The following UMAD1 variants were observed in gnomAD, a reference collection of about 807,000 sequenced individuals.
UMAD1 encodes UBAP1-MVB12-associated (UMA)-domain containing protein 1.
A neutral mutation model predicts 6.1 loss-of-function variants in UMAD1; 8 were observed. That is an observed-to-expected ratio of 1.30 (90% CI 0.76 to 2.35). UMAD1 has a LOEUF of 2.35. Ranked by LOEUF, UMAD1 falls within the 30% of genes most tolerant of loss-of-function variation. UMAD1 has a pLI of 0.00. For synonymous variants in UMAD1, 56 were observed against 31.4 expected (o/e 1.78, Z -2.61); for missense variants, 130 against 78.4 (o/e 1.66, Z -2.49).
chr7:7,689,601 C>G (rs1207069385), intron 2 of UMAD1: 2 of 151,998 alleles, frequency 1.3e-5, no homozygotes, highest in East Asian at 3.9e-4. Flanking sequence ...TTGGTAGAGC[C>G]CCTGTTTTTC....
At chr7:7,743,747 TA>T (rs1323171156) in intron 2 of UMAD1, among the ~76,000 whole-genome samples, 3 of 151,488 alleles carry the variant, frequency 2.0e-5, no homozygotes, top group East Asian at 1.9e-4. Flanking sequence ...TCTGCACTTT[TA>T]AAAAAATATT....
At chr7:7,732,365 G>T (rs1252450649) in intron 2 of UMAD1, among the ~76,000 whole-genome samples, 3 of 152,114 alleles carry the variant, frequency 2.0e-5, no homozygotes, top group Non-Finnish European at 4.4e-5. Context: ...TTTCTAATGA[G>T]TTGCTATTAG....
chr7:7,832,428 C>T (rs1267455556), intron 3 of UMAD1, among the ~76,000 whole-genome samples: 1 of 152,088 alleles, frequency 6.6e-6, no homozygotes, highest in Non-Finnish European at 1.5e-5. Flanking sequence ...TCCTCTCTTC[C>T]CAGATATGGC....
At chr7:7,796,210 T>C (rs1782674351) in intron 2 of UMAD1, among the ~76,000 whole-genome samples, 1 of 151,600 alleles carries the variant, frequency 6.6e-6, no homozygotes, top group Non-Finnish European at 1.5e-5. Context: ...TAAGCATTCT[T>C]CTGGCTGTAC....
At chr7:7,731,444 G>A (rs182888986) in intron 2 of UMAD1, among the ~76,000 whole-genome samples, 98 of 141,848 alleles carry the variant, frequency 6.9e-4, no homozygotes, top group Non-Finnish European at 1.3e-3. Context: ...TAGCAGTGAG[G>A]AAGAAAAAGG....
intron 2 of UMAD1, among the ~76,000 whole-genome samples, chr7:7,750,718 A>T (rs995769022): frequency 2.0e-5 from 3 of 152,234 alleles, no homozygotes; most frequent in African/African-American, 7.2e-5. Context: ...AATGAGGCAC[A>T]GAGAGGTTAA....
At chr7:7,853,006 T>A (rs1333359938) in intron 3 of UMAD1, among the ~76,000 whole-genome samples, 1 of 152,158 alleles carries the variant, frequency 6.6e-6, no homozygotes, top group Non-Finnish European at 1.5e-5. Context: ...GAGTCCTGCC[T>A]TGGGCCATGA....
At chr7:7,761,576 T>A (rs752504801) in intron 2 of UMAD1, among the ~76,000 whole-genome samples, 141 of 152,190 alleles carry the variant, frequency 9.3e-4, no homozygotes, top group Non-Finnish European at 1.6e-3. Context: ...ACGGATCACA[T>A]TTCTTATTAA....
At chr7:7,827,868 G>T (rs531244532) in intron 3 of UMAD1, among the ~76,000 whole-genome samples, 6 of 152,258 alleles carry the variant, frequency 3.9e-5, no homozygotes, top group Admixed American at 3.9e-4. Flanking sequence ...ACATGTACAT[G>T]AAGTTGGAAA....
chr7:7,851,519 A>G (rs1018549050), intron 3 of UMAD1, among the ~76,000 whole-genome samples: 1 of 152,158 alleles, frequency 6.6e-6, no homozygotes, highest in Non-Finnish European at 1.5e-5. Context: ...CACTCCCACC[A>G]GAAGTGTGGG....
chr7:7,789,624 T>A lies in UMAD1; in HGVS notation c.83-12046T>A, dbSNP rs56120863. On this transcript the variant is annotated intron_variant, in intron 2 of 3. Coordinates refer to ENST00000682710, the MANE Select transcript of UMAD1 (RefSeq NM_001302348.2). The stretch of plus-strand genomic sequence containing the variant: ...GTTAAACAAAATACCCCTTCTCCCC[T>A]CCCCACAGACCCTGGAAACCACCAT... Among the ~76,000 whole-genome samples the A allele has an allele frequency of 4.2e-3, 623 of 147,098 alleles. 20 individuals are homozygous for A. The highest frequency in any genetic ancestry group is 0.015 in the African/African-American group (576 of 38,658).
intron 3 of UMAD1, chr7:7,868,442 T>G (rs887873979): frequency 6.6e-6 from 1 of 152,148 alleles, no homozygotes; most frequent in African/African-American, 2.4e-5. Context: ...TGCACTTGTA[T>G]GTACGTTCAG....
In UMAD1 at chr7:7,877,320, C is replaced by T. The variant is rs182298930; in HGVS notation, c.196C>T (p.Pro66Ser). Reference protein sequence around the residue: ...ENSSSVTVSDPEMENKAGQTL... With the variant: ...ENSSSVTVSDSEMENKAGQTL... ...TTCATCCAGTGTGACTGTATCAGACCCTGAGATGGAAAATAAGGCAGGCCA... is the reference window on the plus strand; with the variant it reads ...TTCATCCAGTGTGACTGTATCAGACTCTGAGATGGAAAATAAGGCAGGCCA... Residue 66 changes from proline (P) to serine (S), a missense_variant, in exon 4 of 4, where the codon CCT becomes TCT. By Grantham distance (74) the Pro-to-Ser change is moderately conservative. Coordinates refer to ENST00000682710, the MANE Select transcript of UMAD1 (RefSeq NM_001302348.2). 7.5e-5 allele frequency: 54 copies of T among 717,310 alleles called. No individual in the cohort carries two copies. The highest frequency in any genetic ancestry group is 1.1e-4 in the Non-Finnish European group (42 of 385,054). The allele number at this position is 717,310 out of a possible 1,614,324, so 44.4% of individuals were successfully genotyped here.
chr7:7,747,229 A>G (rs1236318551), intron 2 of UMAD1, among the ~76,000 whole-genome samples: 1 of 152,202 alleles, frequency 6.6e-6, no homozygotes, highest in Non-Finnish European at 1.5e-5. Context: ...AAATTGTTTA[A>G]ACGAGAGAGT....
At chr7:7,804,895 T>G (rs1782878688) in intron 3 of UMAD1, among the ~76,000 whole-genome samples, 2 of 152,102 alleles carry the variant, frequency 1.3e-5, no homozygotes, top group African/African-American at 4.8e-5. Flanking sequence ...GCAGGAGAAT[T>G]GCTTGAACCT....
intron 3 of UMAD1, among the ~76,000 whole-genome samples, chr7:7,806,795 C>A (rs6969660): frequency 0.57 from 86,382 of 151,862 alleles, 24,616 homozygotes; most frequent in Middle Eastern, 0.64. Flanking sequence ...AACTGGAAAG[C>A]CTCTAATTAT....
intron 2 of UMAD1, among the ~76,000 whole-genome samples, chr7:7,791,086 C>T (rs1229628804): frequency 6.6e-6 from 1 of 152,184 alleles, no homozygotes; most frequent in African/African-American, 2.4e-5. Flanking sequence ...TGGGGTTTCA[C>T]CATGTTGGCC....
intron 3 of UMAD1, among the ~76,000 whole-genome samples, chr7:7,817,958 C>T (rs979953306): frequency 1.3e-5 from 2 of 152,116 alleles, no homozygotes; most frequent in Non-Finnish European, 2.9e-5. Context: ...GGACTATAGG[C>T]ATGTGACACC....
At chr7:7,646,444 T>G (rs1313570969) in intron 1 of UMAD1, among the ~76,000 whole-genome samples, 3 of 151,026 alleles carry the variant, frequency 2.0e-5, no homozygotes, top group South Asian at 2.1e-4. Context: ...TCTCACGAGA[T>G]CTGATGGCTT....
Sources: gnomAD v4.1 joint callset for allele counts (sites outside exome capture counted in the v4.1 genomes callset) on GRCh38, gnomAD v4.1.1 for gene constraint, MANE v1.5 for transcripts, NCBI Gene and HGNC (gene_info 2026-07-23, HGNC 2026-07-21) for gene names.